The following LRRC40 variants were observed in gnomAD, a reference collection of about 807,000 sequenced individuals.
LRRC40 encodes the protein leucine-rich repeat-containing protein 40.
LRRC40 carries 76 observed loss-of-function variants against 72.8 expected under a neutral mutation model. The ratio of observed to expected loss-of-function variants is 1.04; its 90% CI spans 0.87 to 1.26. The LOEUF is 1.26. Ranked by LOEUF, LRRC40 falls within the 50% of genes most tolerant of loss-of-function variation. The probability of loss-of-function intolerance (pLI) is 0.00; values close to 1 mark genes in which losing one functional copy is unlikely to be tolerated. For missense variants in LRRC40, 684 were observed against 698.9 expected, an observed-to-expected ratio of 0.98 and a Z score of 0.24; for synonymous variants, 243 against 254.2, an observed-to-expected ratio of 0.96 and a Z score of 0.42.
intron 1 of LRRC40, among the ~76,000 whole-genome samples, chr1:70,197,762 T>C (rs1668647661): frequency 6.6e-6 from 1 of 151,908 alleles, no homozygotes; most frequent in South Asian, 2.1e-4. Context: ...AAAAACATGC[T>C]TAAAATGGTG....
In LRRC40 at chr1:70,168,436, A is replaced by G. The variant is rs143457280; in HGVS notation, c.1111+5029T>C. Among the ~76,000 whole-genome samples, 5 of 152,342 alleles carry G rather than the reference A, an allele frequency of 3.3e-5. No individual in the cohort carries two copies. In the East Asian group the frequency reaches 9.7e-4, roughly 29 times the overall value. Reference sequence around the variant, plus strand: ...TCCTAGAGGAGAGTGTTACTCTTAGAGAAGCTTGCCATCTTCCATATTCCC... The same window carrying G: ...TCCTAGAGGAGAGTGTTACTCTTAGGGAAGCTTGCCATCTTCCATATTCCC... On this transcript the variant is annotated intron_variant, in intron 9 of 14. Transcript: ENST00000370952.
intron 1 of LRRC40, among the ~76,000 whole-genome samples, chr1:70,202,089 T>C (rs1036517049): frequency 1.3e-5 from 2 of 152,206 alleles, no homozygotes; most frequent in African/African-American, 4.8e-5. Context: ...AGAACTTTCA[T>C]TTATTACTTG....
intron 9 of LRRC40, among the ~76,000 whole-genome samples, chr1:70,169,583 C>T (rs1271196256): frequency 1.3e-5 from 2 of 152,120 alleles, no homozygotes; most frequent in African/African-American, 4.8e-5. Flanking sequence ...AGAAGACTCA[C>T]ATTACTAGAA....
chr1:70,205,526 C>G lies in LRRC40; in HGVS notation c.15G>C (p.Lys5Asn). ...CGCGGAGATCCTGCCCCGCTATCCG[C>G]TTCAGGCGCGACATGTTCAAAGTCC... Reference protein sequence around the residue: MSRLKRIAGQDLRAG... With the variant: MSRLNRIAGQDLRAG... Residue 5 changes from lysine to asparagine, a missense_variant, in exon 1 of 15, where the codon AAG (lysine) becomes AAC (asparagine). Lys to Asn is a moderately conservative substitution (Grantham distance 94). Transcript: ENST00000370952. 6.3e-7 allele frequency: 1 copy of G among 1,597,072 alleles called. No individual in the cohort carries two copies. Among genetic ancestry groups the G allele is most frequent in the Middle Eastern group, 1.7e-4 (1 of 5,806 alleles).
intron 9 of LRRC40, among the ~76,000 whole-genome samples, chr1:70,170,657 AG>A (rs976541909): frequency 6.6e-6 from 1 of 152,204 alleles, no homozygotes; most frequent in African/African-American, 2.4e-5. Flanking sequence ...TAAAATGCTT[AG>A]AAATAAACAA....
chr1:70,192,208 G>A (rs1668516759), intron 1 of LRRC40, among the ~76,000 whole-genome samples: 1 of 152,010 alleles, frequency 6.6e-6, no homozygotes, highest in Admixed American at 6.6e-5. Context: ...TGTATTCTAG[G>A]TATTTTATTC....
chr1:70,184,429 C>T (rs1039663352), intron 4 of LRRC40, among the ~76,000 whole-genome samples: 22 of 151,518 alleles, frequency 1.5e-4, no homozygotes, highest in Non-Finnish European at 2.5e-4. Flanking sequence ...GCAGAAGGGC[C>T]GCAGGTAATA....
At chr1:70,176,855 T>C (rs905245017) in intron 6 of LRRC40, among the ~76,000 whole-genome samples, 1 of 152,198 alleles carries the variant, frequency 6.6e-6, no homozygotes, top group Non-Finnish European at 1.5e-5. Context: ...ATTTAATATA[T>C]GTAGATACTA....
At chr1:70,151,627 A>C (rs149930455) in intron 12 of LRRC40, 6 of 152,932 alleles carry the variant, frequency 3.9e-5, no homozygotes, top group Non-Finnish European at 5.8e-5. Context: ...AAAATGAACC[A>C]AGAAGTTAAA....
chr1:70,204,732 T>TACACACACACACGCAC (rs1553218396), intron 1 of LRRC40, among the ~76,000 whole-genome samples: 298 of 145,278 alleles, frequency 2.1e-3, no homozygotes, highest in African/African-American at 7.0e-3. Context: ...CTCTCTCTCT[T>TACACACACACACGCAC]ACACACACAC....
At chr1:70,146,015 G>T in intron 14 of LRRC40, 110 bp from the exon 15 acceptor site, 1 of 570,872 alleles carries the variant, frequency 1.8e-6, no homozygotes, top group Non-Finnish European at 3.0e-6. Context: ...TTTTCTATTT[G>T]CCCCTTTTTA....
chr1:70,173,341 CCA>C (rs1334154773), intron 9 of LRRC40, 122 bp downstream of exon 9: 1 of 657,472 alleles, frequency 1.5e-6, no homozygotes, highest in African/African-American at 1.8e-5. Flanking sequence ...AGAATTAGAG[CCA>C]CACATGCCAG....
At chr1:70,183,962 T>C (rs1668305360) in intron 4 of LRRC40, among the ~76,000 whole-genome samples, 1 of 152,202 alleles carries the variant, frequency 6.6e-6, no homozygotes, top group African/African-American at 2.4e-5. Flanking sequence ...TTCTTAATAA[T>C]ACGACTAGAC....
At chr1:70,155,665 T>A (rs532377495) in intron 11 of LRRC40, 24 bp downstream of exon 11, 1 of 1,122,660 alleles carries the variant, frequency 8.9e-7, no homozygotes, top group East Asian at 2.6e-5. Flanking sequence ...TCACAACCTA[T>A]AGACATGGCA....
At chr1:70,167,512 ATT>A (rs1667909705) in intron 9 of LRRC40, among the ~76,000 whole-genome samples, 1 of 152,084 alleles carries the variant, frequency 6.6e-6, no homozygotes, top group Admixed American at 6.5e-5. Flanking sequence ...GTGAGCTGAG[ATT>A]GCACCACTGC....
chr1:70,192,061 G>C (rs1668512762), intron 1 of LRRC40, among the ~76,000 whole-genome samples: 1 of 152,090 alleles, frequency 6.6e-6, no homozygotes, highest in Non-Finnish European at 1.5e-5. Context: ...GCTTTGGGGA[G>C]TATGACCATT....
intron 1 of LRRC40, among the ~76,000 whole-genome samples, chr1:70,202,488 A>G (rs545499595): frequency 6.6e-6 from 1 of 152,252 alleles, no homozygotes; most frequent in South Asian, 2.1e-4. Flanking sequence ...AGGTAAAACT[A>G]TAGAAACAGG....
intron 11 of LRRC40, among the ~76,000 whole-genome samples, chr1:70,154,154 T>C (rs940872667): frequency 2.0e-5 from 3 of 152,134 alleles, no homozygotes; most frequent in African/African-American, 7.2e-5. Context: ...TTATAATCTT[T>C]GGTGAAAAGC....
intron 3 of LRRC40, among the ~76,000 whole-genome samples, chr1:70,186,383 C>G (rs1034910124): frequency 6.6e-5 from 10 of 152,176 alleles, no homozygotes; most frequent in African/African-American, 2.4e-4. Context: ...GGGGAAGATA[C>G]TGTGATGGAG....
Sources: gnomAD v4.1 joint callset for allele counts (sites outside exome capture counted in the v4.1 genomes callset) on GRCh38, gnomAD v4.1.1 for gene constraint, MANE v1.5 for transcripts, NCBI Gene and HGNC (gene_info 2026-07-23, HGNC 2026-07-21) for gene names.